FGD5: variants seen among roughly 807,000 people sequenced by gnomAD.
FGD5 encodes FYVE, RhoGEF and PH domain containing 5.
Under a neutral mutation model 133.4 loss-of-function variants are expected in FGD5, and 28 were observed. The ratio of observed to expected loss-of-function variants is 0.21; its 90% confidence interval spans 0.16 to 0.29. The LOEUF (loss-of-function observed/expected upper bound fraction) is 0.29. Ranked by LOEUF, FGD5 falls within the 10% of genes least tolerant of loss-of-function variation. FGD5 has a pLI of 1.00. For synonymous variants in FGD5, 810 were observed against 776.5 expected, an observed-to-expected ratio of 1.04 and a Z score of -0.72; for missense variants, 1,858 against 1,895.2, an observed-to-expected ratio of 0.98 and a Z score of 0.36.
chr3:14,883,862 C>T lies in FGD5; in HGVS notation c.2748+3090C>T, dbSNP rs564772502. Among the ~76,000 whole-genome samples the T allele has an allele frequency of 3.9e-5, 6 of 152,176 alleles. No homozygotes were observed. In the South Asian group the frequency reaches 1.2e-3, roughly 32 times the overall value. Reference sequence around the variant, plus strand: ...GGAAAGACATATGCAGGAAGGTTTGCGGAAGAGGTGCCACTGAGATGGACT... The same window carrying T: ...GGAAAGACATATGCAGGAAGGTTTGTGGAAGAGGTGCCACTGAGATGGACT... On this transcript the variant is annotated intron_variant, in intron 4 of 19. Coordinates refer to ENST00000285046, the MANE Select transcript of FGD5 (RefSeq NM_152536.4).
chr3:14,816,265 T>C (rs1266621369), upstream of FGD5, among the ~76,000 whole-genome samples: 3 of 152,138 alleles, frequency 2.0e-5, no homozygotes, highest in African/African-American at 7.2e-5. Context: ...CTGTTAAGGA[T>C]AAGAAATGAG....
Position 14,853,636 on chromosome 3 carries a change from C to CTT in FGD5, c.2526-10462_2526-10461dup, listed in dbSNP as rs34008934. On this transcript the variant is annotated intron_variant, in intron 1 of 19. Transcript: ENST00000285046. ...GAGATTCCCAGGGGGAAAAGCGTTC[C>CTT]TTTTTTTTTTTTTTTTTTTTTTTTT... Among the ~76,000 whole-genome samples, 313 of 37,122 alleles carry CTT rather than the reference C, an allele frequency of 8.4e-3. 16 individuals are homozygous for CTT. The highest frequency in any genetic ancestry group is 0.012 in the African/African-American group (104 of 8,396). 24.4% of individuals were successfully genotyped at this position (37,122 alleles called of 152,430 possible).
At chr3:14,811,285 T>A (rs1364923123) in intron 1 of FGD5, 2 of 152,268 alleles carry the variant, frequency 1.3e-5, no homozygotes, top group Non-Finnish European at 2.9e-5. Flanking sequence ...GGGCAACACC[T>A]GACCCACGGG....
In FGD5 at chr3:14,819,816, A is replaced by G; in HGVS notation, c.745A>G (p.Thr249Ala). ...TEDMGQDAED[T>A]SEEPPEKEEL... ...GGACATGGGACAGGATGCTGAGGAC[A>G]CCAGTGAGGAGCCCCCTGAGAAGGA... The change falls in exon 1 of 20, where the codon ACC becomes GCC. Residue 249 changes from threonine to alanine, a missense_variant. By Grantham distance (58) the Thr-to-Ala change is moderately conservative. Coordinates refer to ENST00000285046, the MANE Select transcript of FGD5 (RefSeq NM_152536.4). The surrounding 1 kb of genome is among the most constrained non-coding windows in gnomAD (Gnocchi z 4.1). 6.3e-7 allele frequency: 1 copy of G among 1,595,682 alleles called. No homozygotes were observed. The highest frequency in any genetic ancestry group is 1.8e-5 in the Admixed American group (1 of 56,590).
intron 1 of FGD5, among the ~76,000 whole-genome samples, chr3:14,829,280 C>T (rs1018117729): frequency 3.3e-5 from 5 of 152,142 alleles, no homozygotes; most frequent in African/African-American, 9.7e-5. Flanking sequence ...CAAGTGTGTA[C>T]GCCATCCCCT....
intron 4 of FGD5, among the ~76,000 whole-genome samples, chr3:14,889,784 CTGA>C: frequency 6.6e-6 from 1 of 152,134 alleles, no homozygotes; most frequent in South Asian, 2.1e-4. Flanking sequence ...TTGCATTTCC[CTGA>C]TGATTAATAA....
Position 14,821,009 on chromosome 3 carries a change from CAAG to C in FGD5, c.1948_1950del (p.Lys650del), listed in dbSNP as rs780303481. On this transcript the variant is annotated inframe_deletion, in exon 1 of 20. Transcript: ENST00000285046. ...TCGAGAGCGACTCCCCGGACAAGTA[CAAG>C]AAGAAGAAGTCATCCTTTAAGCGCT... 8.9e-5 allele frequency: 143 copies of C among 1,613,942 alleles called. No homozygotes were observed. The highest frequency in any genetic ancestry group is 1.7e-4 in the Admixed American group (10 of 60,020).
At chr3:14,860,802 C>G (rs1274085298) in intron 1 of FGD5, among the ~76,000 whole-genome samples, 1 of 139,660 alleles carries the variant, frequency 7.2e-6, no homozygotes, top group East Asian at 3.5e-4. Flanking sequence ...AGTGAGACCC[C>G]TTTTTTAAAA....
At chr3:14,869,852 A>G (rs1281494590) in intron 2 of FGD5, among the ~76,000 whole-genome samples, 3 of 152,186 alleles carry the variant, frequency 2.0e-5, no homozygotes, top group Admixed American at 1.3e-4. Flanking sequence ...TGACAGATGC[A>G]TGGGTTGCTT....
chr3:14,819,666 A>T lies in FGD5; in HGVS notation c.595A>T (p.Ile199Phe). The change falls in exon 1 of 20, where the codon ATC becomes TTC. Residue 199 changes from isoleucine to phenylalanine, a missense_variant. Transcript: ENST00000285046. This position sits in a 1 kb window ranked among gnomAD's most constrained non-coding sequence, Gnocchi z 4.1. ...VFQSDLLLPH[I>F]HGEDQEPPDT... The stretch of plus-strand genomic sequence containing the variant: ...CCAGAGCGACCTCCTCCTGCCTCAC[A>T]TCCATGGAGAGGACCAGGAGCCCCC... 1 of 1,546,512 alleles carries T rather than the reference A, an allele frequency of 6.5e-7. No homozygotes were observed. Among genetic ancestry groups the T allele is most frequent in the Non-Finnish European group, 8.7e-7 (1 of 1,144,148 alleles).
rs1268713292 is a variant in FGD5 at position 14,821,142 on chromosome 3, A to C, written c.2071A>C (p.Arg691=). ...SSESSYHGPS[R]ILEVDRRSLS... ...AGAGTCCAGCTACCACGGGCCTTCC[A>C]GGATTCTGGAAGTTGACCGGAGAAG... The change falls in exon 1 of 20, where the codon AGG becomes CGG. Residue 691 remains arginine, a synonymous_variant. Transcript: ENST00000285046. The C allele has an allele frequency of 6.2e-7, 1 of 1,613,886 alleles. No homozygotes were observed. The highest frequency in any genetic ancestry group is 8.5e-7 in the Non-Finnish European group (1 of 1,179,908).
At chr3:14,897,854 G>T in intron 5 of FGD5, 85 bp from the exon 6 acceptor site, 2 of 1,554,652 alleles carry the variant, frequency 1.3e-6, no homozygotes, top group Non-Finnish European at 1.7e-6. Flanking sequence ...TGCACCCAGG[G>T]ATGTGACTCC....
intron 1 of FGD5, among the ~76,000 whole-genome samples, chr3:14,828,328 G>A (rs1559471206): frequency 6.6e-6 from 1 of 152,168 alleles, no homozygotes; most frequent in African/African-American, 2.4e-5. Flanking sequence ...GGAAAAGTAG[G>A]CTTTTGACAT....
At chr3:14,840,951 C>T (rs914493677) in intron 1 of FGD5, among the ~76,000 whole-genome samples, 8 of 152,152 alleles carry the variant, frequency 5.3e-5, no homozygotes, top group South Asian at 2.1e-4. Context: ...CTCAGCCAGG[C>T]GGTGGTAGGC....
At chr3:14,932,542 T>A (rs766557154) in intron 18 of FGD5, 35 bp from the exon 19 acceptor site, 1 of 1,599,634 alleles carries the variant, frequency 6.3e-7, no homozygotes, top group Non-Finnish European at 8.5e-7. Flanking sequence ...CAGAGTGTGG[T>A]GTTTAATGTC....
At chr3:14,855,481 A>G (rs1448432500) in intron 1 of FGD5, among the ~76,000 whole-genome samples, 1 of 152,222 alleles carries the variant, frequency 6.6e-6, no homozygotes, top group East Asian at 1.9e-4. Context: ...TCAGCAGTGT[A>G]GAAGAGTTCC....
intron 1 of FGD5, among the ~76,000 whole-genome samples, chr3:14,835,738 A>G (rs1397086375): frequency 6.6e-6 from 1 of 152,214 alleles, no homozygotes; most frequent in Non-Finnish European, 1.5e-5. Context: ...TTGCAAGGCC[A>G]TGGGTGAGCC....
chr3:14,844,215 AAAATATATAT>A (rs1342642653), intron 1 of FGD5, among the ~76,000 whole-genome samples: 22 of 27,466 alleles, frequency 8.0e-4, no homozygotes, highest in Non-Finnish European at 7.6e-4. Flanking sequence ...AAAAAAAAAA[AAAATATATAT>A]ATATATATAT....
At chr3:14,841,774 A>T (rs1361165816) in intron 1 of FGD5, among the ~76,000 whole-genome samples, 1 of 152,098 alleles carries the variant, frequency 6.6e-6, no homozygotes, top group Non-Finnish European at 1.5e-5. Flanking sequence ...TGCCCCCAGA[A>T]CACACCTCTC....
Sources: allele counts gnomAD v4.1 joint callset (sites outside exome capture counted in the v4.1 genomes callset), GRCh38; gene constraint gnomAD v4.1.1; non-coding constraint Gnocchi (gnomAD v3.1); transcripts MANE v1.5; gene names NCBI Gene and HGNC (gene_info 2026-07-23, HGNC 2026-07-21).